URB1: variants seen among roughly 807,000 people sequenced by gnomAD.
URB1 encodes the protein URB1 ribosome biogenesis factor, also known as nucleolar pre-ribosomal-associated protein 1.
In URB1, 197 loss-of-function variants were observed where a neutral mutation model predicts 242.3. That is an observed-to-expected ratio of 0.81 (90% CI 0.72 to 0.91). The LOEUF is 0.91. URB1 is among the 40% of genes least tolerant of loss of function. The pLI is 0.00. For missense variants in URB1, 2,721 were observed against 2,860.5 expected (o/e 0.95, Z 1.11); for synonymous variants, 1,153 against 1,201.8 (o/e 0.96, Z 0.84).
intron 4 of URB1, among the ~76,000 whole-genome samples, 184 bp downstream of exon 4, chr21:32,383,238 C>T (rs1046843705): frequency 6.6e-6 from 1 of 152,238 alleles, no homozygotes; most frequent in Non-Finnish European, 1.5e-5. Flanking sequence ...CTGGCCCTAT[C>T]GCCAGCCTGA....
chr21:32,350,467 G>A (rs1397062628), intron 20 of URB1, among the ~76,000 whole-genome samples: 1 of 152,236 alleles, frequency 6.6e-6, no homozygotes, highest in African/African-American at 2.4e-5. Context: ...ACTGTAGGAA[G>A]GGCTCTGTCT....
intron 24 of URB1, among the ~76,000 whole-genome samples, chr21:32,343,219 G>T (rs943627355): frequency 6.6e-6 from 1 of 151,702 alleles, no homozygotes; most frequent in African/African-American, 2.4e-5. Flanking sequence ...TTTTTGCAGT[G>T]TGAATACTTG....
At chr21:32,361,167 G>GAAAGAAAGAAAGAAAT in intron 12 of URB1, 44 bp from the exon 13 acceptor site, 1 of 604,634 alleles carries the variant, frequency 1.7e-6, no homozygotes, top group Non-Finnish European at 2.7e-6. Flanking sequence ...AAAAAAGAAA[G>GAAAGAAAGAAAGAAAT]AAAGAAAGAA....
chr21:32,316,947 G>C lies in URB1; in HGVS notation c.6153C>G (p.Thr2051=). ...TCAGGAGGCCCTTGCATGTCTCCAA[G>C]GTAGATGCCATCAGCTCAGGGTCAG... ...EMADPELMAS[T]LETCKGLLRS... The change falls in exon 38 of 39, where the codon ACC becomes ACG. Residue 2051 remains threonine (T), a synonymous_variant. Coordinates refer to ENST00000382751, the MANE Select transcript of URB1 (RefSeq NM_014825.3). The C allele has an allele frequency of 6.4e-7, 1 of 1,551,740 alleles. No individual in the cohort carries two copies. The highest frequency in any genetic ancestry group is 1.2e-5 in the South Asian group (1 of 84,060).
intron 15 of URB1, among the ~76,000 whole-genome samples, chr21:32,356,209 C>T (rs900046314): frequency 1.3e-5 from 2 of 152,168 alleles, no homozygotes; most frequent in African/African-American, 4.8e-5. Context: ...AGTTGAGACT[C>T]TGCCTCTACA....
intron 17 of URB1, 72 bp downstream of exon 17, chr21:32,354,787 C>T: frequency 6.6e-7 from 1 of 1,505,250 alleles, no homozygotes; most frequent in Non-Finnish European, 8.9e-7. Context: ...AGTTCTTGTT[C>T]TCAATCTCTT....
intron 15 of URB1, among the ~76,000 whole-genome samples, chr21:32,355,799 C>A (rs571817084): frequency 2.0e-5 from 3 of 152,156 alleles, no homozygotes; most frequent in African/African-American, 7.2e-5. Context: ...TTAGCAGAGA[C>A]AAAGTTTTGC....
chr21:32,338,945 A>T (rs888679744), intron 25 of URB1, 45 bp from the exon 26 acceptor site: 1 of 1,454,920 alleles, frequency 6.9e-7, no homozygotes, highest in Non-Finnish European at 9.2e-7. Context: ...CTAAAAGGAA[A>T]ATTTATTTTA....
chr21:32,349,753 C>T (rs2033135673), intron 20 of URB1, among the ~76,000 whole-genome samples: 1 of 152,226 alleles, frequency 6.6e-6, no homozygotes. Context: ...CCTTGAACCA[C>T]ATCAGGAACA....
At chr21:32,387,145 A>C (rs1427211361) in intron 1 of URB1, among the ~76,000 whole-genome samples, 1 of 152,048 alleles carries the variant, frequency 6.6e-6, no homozygotes, top group African/African-American at 2.4e-5. Context: ...TGAGGATTCT[A>C]CTACCCTTCC....
intron 32 of URB1, among the ~76,000 whole-genome samples, chr21:32,323,324 T>C (rs1361925172): frequency 6.6e-6 from 1 of 152,216 alleles, no homozygotes; most frequent in Non-Finnish European, 1.5e-5. Flanking sequence ...CTTGACAAGC[T>C]ATCTACCCTT....
At position 32,347,071 on chromosome 21, in the gene URB1, C is replaced by T. The variant is rs1313021710; in HGVS notation, c.3753G>A (p.Trp1251Ter). Residue 1251 changes from tryptophan (W) to a stop codon, truncating the protein, a stop_gained, in exon 22 of 39, where the codon TGG (tryptophan) becomes TGA (stop). Coordinates refer to ENST00000382751, the MANE Select transcript of URB1 (RefSeq NM_014825.3). LOFTEE classifies it high-confidence loss of function. ...CGAGCCCTGGGCCAGCCTGCAGGCA[C>T]CACTGCTCGAACCACAGCAAGTGGG... is the stretch of plus-strand genomic sequence containing the variant. ...SCTHLLWFEQ[W>*]CLQAGPGLGL... The T allele has an allele frequency of 3.9e-6, 6 of 1,550,668 alleles. No individual in the cohort carries two copies. The highest frequency in any genetic ancestry group is 1.7e-4 in the Middle Eastern group (1 of 5,846).
intron 11 of URB1, 59 bp downstream of exon 11, chr21:32,363,097 A>G: frequency 6.6e-7 from 1 of 1,514,378 alleles, no homozygotes; most frequent in Non-Finnish European, 8.9e-7. Flanking sequence ...GGGCTGCAGA[A>G]TGGCCTTTTC....
intron 30 of URB1, among the ~76,000 whole-genome samples, chr21:32,326,770 T>C (rs1767962957): frequency 6.6e-6 from 1 of 152,214 alleles, no homozygotes; most frequent in Non-Finnish European, 1.5e-5. Context: ...TCCCCAGCCA[T>C]GCTTCCTACA....
intron 1 of URB1, among the ~76,000 whole-genome samples, chr21:32,391,408 C>G (rs897811527): frequency 6.6e-6 from 1 of 151,934 alleles, no homozygotes; most frequent in African/African-American, 2.4e-5. Context: ...CTCAGGGGAG[C>G]CTTCTTTGAG....
rs546588774 is a variant in URB1, at chr21:32,351,681, C to T, written c.2614-759G>A. 3.3e-5 allele frequency among the ~76,000 whole-genome samples: 5 copies of T among 152,282 alleles called. No homozygotes were observed. In the East Asian group the frequency reaches 9.7e-4, roughly 29 times the overall value. On this transcript the variant is annotated intron_variant, in intron 19 of 38. Coordinates refer to ENST00000382751, the MANE Select transcript of URB1 (RefSeq NM_014825.3). ...AGGCCCTCTGGGGAATTCCGACACA[C>T]CCTGGAGGGTGAGAACCACTGCTAA...
intron 14 of URB1, among the ~76,000 whole-genome samples, chr21:32,358,551 C>G (rs749762158): frequency 8.5e-5 from 13 of 152,186 alleles, no homozygotes; most frequent in Non-Finnish European, 1.6e-4. Flanking sequence ...TCACTACAGC[C>G]CTTGGCAATG....
rs1303145648 is a variant in URB1, at chr21:32,357,551, G to A, written c.1975C>T (p.Leu659Phe). ...SHLQLKSLTKLLIMKILRDTG... is the reference protein window; with the variant it reads ...SHLQLKSLTKFLIMKILRDTG... ...AAAATGCTCACCTTCATGATCAGAA[G>A]TTTGGTCAATGACTTCAGTTGTAAA... The change falls in exon 15 of 39, where the codon CTT becomes TTT. Residue 659 changes from leucine (L) to phenylalanine (F), a missense_variant. Coordinates refer to ENST00000382751, the MANE Select transcript of URB1 (RefSeq NM_014825.3). The A allele has an allele frequency of 3.9e-6, 6 of 1,521,728 alleles. No homozygotes were observed. Among genetic ancestry groups the A allele is most frequent in the Admixed American group, 4.6e-5 (2 of 43,840 alleles). 94.3% of individuals were successfully genotyped at this position (1,521,728 alleles called of 1,614,324 possible).
chr21:32,361,881 T>G lies in URB1; in HGVS notation c.1639+11A>C. The G allele has an allele frequency of 6.4e-7, 1 of 1,550,448 alleles. No homozygotes were observed. The highest frequency in any genetic ancestry group is 8.7e-7 in the Non-Finnish European group (1 of 1,146,638). On this transcript the variant is annotated intron_variant, in intron 12 of 38. Transcript: ENST00000382751. ...AAAGGCAGAGGGTCCCCCTCACCCC[T>G]GAGACCTTACCGCACTGGTGAGCAT...
Sources: gnomAD v4.1 joint callset for allele counts (sites outside exome capture counted in the v4.1 genomes callset) on GRCh38, gnomAD v4.1.1 for gene constraint, MANE v1.5 for transcripts, NCBI Gene and HGNC (gene_info 2026-07-23, HGNC 2026-07-21) for gene names.